The following ADAMTSL1 variants were observed in gnomAD, a reference collection of about 807,000 sequenced individuals.
The protein encoded by ADAMTSL1 is ADAMTS like 1, also known as ADAMTS-like protein 1.
In ADAMTSL1, 126 loss-of-function variants were observed where a neutral mutation model predicts 201.8. The observed-to-expected ratio is 0.62, with a 90% CI of 0.54 to 0.72. The LOEUF is 0.72. ADAMTSL1 is among the 30% of genes least tolerant of loss of function. The probability of loss-of-function intolerance (pLI) is 0.00; values close to 1 mark genes in which losing one functional copy is unlikely to be tolerated. For missense variants in ADAMTSL1, 2,679 were observed against 2,277.8 expected (o/e 1.18, Z -3.59); for synonymous variants, 1,121 against 903.4 (o/e 1.24, Z -4.32).
intron 4 of ADAMTSL1, among the ~76,000 whole-genome samples, chr9:18,603,919 A>G (rs919930544): frequency 1.3e-5 from 2 of 152,226 alleles, no homozygotes; most frequent in African/African-American, 4.8e-5. Context: ...ACAGAGACAA[A>G]AGATCTCTCA....
chr9:18,715,419 G>A lies in ADAMTSL1; in HGVS notation c.1877-6117G>A, dbSNP rs13287437. On this transcript the variant is annotated intron_variant, in intron 14 of 28. Transcript: ENST00000380548. ...GATACAAAATCAATGTACAAAAATC[G>A]CAAGCATTCTTATACACCAACAACA... 1.2e-3 allele frequency among the ~76,000 whole-genome samples: 181 copies of A among 152,062 alleles called. 1 individual carries two copies. Among genetic ancestry groups the A allele is most frequent in the African/African-American group, 3.9e-3 (163 of 41,474 alleles).
chr9:18,104,114 A>T (rs549539126), intron 1 of ADAMTSL1, among the ~76,000 whole-genome samples: 1 of 152,178 alleles, frequency 6.6e-6, no homozygotes, highest in African/African-American at 2.4e-5. Context: ...TACTTGTTCA[A>T]TCTCTTTATT....
chr9:18,671,403 G>A (rs192906410), intron 9 of ADAMTSL1, among the ~76,000 whole-genome samples: 1 of 152,176 alleles, frequency 6.6e-6, no homozygotes, highest in South Asian at 2.1e-4. Context: ...GATTTGTTAC[G>A]AGACTGGTAT....
intron 1 of ADAMTSL1, among the ~76,000 whole-genome samples, chr9:17,953,329 A>G (rs1228205926): frequency 6.6e-6 from 1 of 152,230 alleles, no homozygotes; most frequent in Non-Finnish European, 1.5e-5. Flanking sequence ...CTCTATTGGC[A>G]GAACGTTGGG....
At chr9:18,851,741 G>T (rs977365044) in intron 23 of ADAMTSL1, among the ~76,000 whole-genome samples, 1 of 152,202 alleles carries the variant, frequency 6.6e-6, no homozygotes, top group Non-Finnish European at 1.5e-5. Context: ...AGGGCCACGT[G>T]TATAGTGTGT....
intron 2 of ADAMTSL1, among the ~76,000 whole-genome samples, chr9:18,201,710 T>C (rs1259413620): frequency 6.6e-6 from 1 of 152,140 alleles, no homozygotes; most frequent in Non-Finnish European, 1.5e-5. Context: ...TATAGTGTAA[T>C]ATGTAAGAGC....
chr9:18,665,251 C>T (rs1829359742), intron 9 of ADAMTSL1, among the ~76,000 whole-genome samples: 1 of 152,064 alleles, frequency 6.6e-6, no homozygotes, highest in South Asian at 2.1e-4. Flanking sequence ...CCCTGATATC[C>T]ACTTTTTGTG....
At chr9:18,283,916 T>TAAAAAAAAAAAAAAAAAAAAAAAAAAA (rs71333034) in intron 2 of ADAMTSL1, among the ~76,000 whole-genome samples, 8 of 26,594 alleles carry the variant, frequency 3.0e-4, no homozygotes, top group African/African-American at 1.2e-3. Flanking sequence ...AGACTCCGTC[T>TAAAAAAAAAAAAAAAAAAAAAAAAAAA]AAAAAAAAAA....
At chr9:18,469,997 C>T (rs145569097), upstream of ADAMTSL1, among the ~76,000 whole-genome samples, 37 of 152,230 alleles carry the variant, frequency 2.4e-4, no homozygotes, top group East Asian at 3.3e-3. Flanking sequence ...GTAAGGATTA[C>T]GTGAAATAAT....
At chr9:18,845,734 A>G (rs1176831390) in intron 23 of ADAMTSL1, among the ~76,000 whole-genome samples, 1 of 152,156 alleles carries the variant, frequency 6.6e-6, no homozygotes, top group Admixed American at 6.5e-5. Flanking sequence ...TTGACCCTAA[A>G]TCTCATGCAA....
chr9:18,273,133 G>T (rs1392174538), intron 2 of ADAMTSL1, among the ~76,000 whole-genome samples: 1 of 152,242 alleles, frequency 6.6e-6, no homozygotes, highest in Non-Finnish European at 1.5e-5. Context: ...AGGCTGGAAT[G>T]TGGTGGTGTG....
chr9:18,710,858 A>G (rs1832539472), intron 14 of ADAMTSL1, among the ~76,000 whole-genome samples: 1 of 152,016 alleles, frequency 6.6e-6, no homozygotes, highest in Non-Finnish European at 1.5e-5. Context: ...GTTAAACAAA[A>G]CAGCAATACT....
chr9:18,066,075 G>C (rs1391560664), intron 1 of ADAMTSL1, among the ~76,000 whole-genome samples: 1 of 150,582 alleles, frequency 6.6e-6, no homozygotes, highest in Non-Finnish European at 1.5e-5. Context: ...GAAAGAAATG[G>C]CAAAAGAAAT....
chr9:18,161,547 A>C (rs1227268771), intron 1 of ADAMTSL1, among the ~76,000 whole-genome samples: 1 of 152,084 alleles, frequency 6.6e-6, no homozygotes, highest in Non-Finnish European at 1.5e-5. Context: ...GAACATGTCA[A>C]TTCTGGATTA....
chr9:18,155,295 A>G (rs1827101347), intron 1 of ADAMTSL1, among the ~76,000 whole-genome samples: 1 of 152,198 alleles, frequency 6.6e-6, no homozygotes, highest in South Asian at 2.1e-4. Flanking sequence ...CTAACTGGAT[A>G]TAGTGAGGAT....
At chr9:18,200,144 A>G (rs578144086) in intron 2 of ADAMTSL1, among the ~76,000 whole-genome samples, 2 of 152,216 alleles carry the variant, frequency 1.3e-5, no homozygotes, top group South Asian at 4.1e-4. Flanking sequence ...ACTTAAAAAA[A>G]TGAATTTGGC....
rs868194469 is a variant in ADAMTSL1, at chr9:18,200,843, T to C, written c.207+36862T>C. 3.9e-5 allele frequency among the ~76,000 whole-genome samples: 6 copies of C among 152,082 alleles called. No homozygotes were observed. In the South Asian group the frequency reaches 8.3e-4, roughly 21 times the overall value. ...TAACAGAATACAAGGATAAACAAAA[T>C]AGGATAACTAATTACAAAGAAAAAG... On this transcript the variant is annotated intron_variant, in intron 2 of 29. Transcript: ENST00000680146.
rs184443352 is a variant in ADAMTSL1 at position 18,618,762 on chromosome 9, C to T, written c.475-3481C>T. ...GAGGGCAGAAAAGGCATTCCCCAGC[C>T]AAGTCAGCTTCTTTTAAGTAGCCTT... On this transcript the variant is annotated intron_variant, in intron 4 of 28. Transcript: ENST00000380548. 1.3e-3 allele frequency among the ~76,000 whole-genome samples: 195 copies of T among 152,282 alleles called. 2 individuals carry two copies. Among genetic ancestry groups the T allele is most frequent in the Admixed American group, 0.011 (173 of 15,276 alleles).
At chr9:18,376,292 T>C (rs538133688) in intron 2 of ADAMTSL1, among the ~76,000 whole-genome samples, 2 of 152,136 alleles carry the variant, frequency 1.3e-5, no homozygotes, top group Non-Finnish European at 2.9e-5. Flanking sequence ...AAAGATAAGA[T>C]ATGTACACAG....
Sources: allele counts gnomAD v4.1 joint callset (sites outside exome capture counted in the v4.1 genomes callset), GRCh38; gene constraint gnomAD v4.1.1; transcripts MANE v1.5; gene names NCBI Gene and HGNC (gene_info 2026-07-23, HGNC 2026-07-21).